The following WDPCP variants were observed in gnomAD, a reference collection of about 807,000 sequenced individuals.
WDPCP encodes the protein WD repeat-containing and planar cell polarity effector protein fritz homolog.
Under a neutral mutation model 93.1 loss-of-function variants are expected in WDPCP, and 71 were observed. The observed-to-expected ratio is 0.76, with a 90% confidence interval of 0.63 to 0.93. WDPCP has a LOEUF of 0.93. Ranked by LOEUF, WDPCP falls within the 40% of genes least tolerant of loss-of-function variation. The pLI, the probability that WDPCP is intolerant of heterozygous loss-of-function variation, is 0.00. For synonymous variants in WDPCP, 315 were observed against 315.0 expected (o/e 1.00, Z 0.00); for missense variants, 844 against 887.4 (o/e 0.95, Z 0.62).
intron 2 of WDPCP, among the ~76,000 whole-genome samples, chr2:63,803,534 C>T (rs1670723125): frequency 6.6e-6 from 1 of 152,142 alleles, no homozygotes. Flanking sequence ...CCAGCATTTA[C>T]CATCTGCTGT....
At position 63,712,026 on chromosome 2, in the gene WDPCP, G is replaced by C. The variant is rs547660297; in HGVS notation, n.309-61188C>G. On this transcript the variant is annotated intron_variant and non_coding_transcript_variant, in intron 2 of 4. Coordinates refer to the WDPCP transcript ENST00000467687. ...ATTCATTCTCCCTATATCAGAGAGA[G>C]GAATAGTTCTTGGGGCTTTCACAAG... is the stretch of plus-strand genomic sequence containing the variant. Among the ~76,000 whole-genome samples, 9 of 152,230 alleles carry C rather than the reference G, an allele frequency of 5.9e-5. No individual in the cohort carries two copies. In the South Asian group the frequency reaches 1.9e-3, roughly 32 times the overall value.
At chr2:63,723,583 A>T (rs1669456952) in intron 2 of WDPCP, among the ~76,000 whole-genome samples, 1 of 152,202 alleles carries the variant, frequency 6.6e-6, no homozygotes, top group African/African-American at 2.4e-5. Context: ...TTGGCATTCT[A>T]CAGATAGTTG....
chr2:63,364,950 G>A (rs1337622307), intron 12 of WDPCP, among the ~76,000 whole-genome samples: 1 of 152,186 alleles, frequency 6.6e-6, no homozygotes, highest in African/African-American at 2.4e-5. Flanking sequence ...TGCCATTATA[G>A]TATGAAAGCA....
the WDPCP span, among the ~76,000 whole-genome samples, chr2:63,835,990 GATTACAGGC>G: frequency 1.8e-4 from 28 of 152,266 alleles, no homozygotes; most frequent in South Asian, 5.6e-3. Context: ...AAGTAGCTAG[GATTACAGGC>G]GCCTGCCACC....
chr2:63,173,359 G>C (rs1434352612), intron 15 of WDPCP, among the ~76,000 whole-genome samples: 1 of 151,932 alleles, frequency 6.6e-6, no homozygotes, highest in Admixed American at 6.6e-5. Flanking sequence ...TGAATTTTTG[G>C]CTAGTTTGCC....
intron 17 of WDPCP, among the ~76,000 whole-genome samples, chr2:63,126,734 C>G (rs573835504): frequency 2.5e-4 from 36 of 144,286 alleles, no homozygotes; most frequent in African/African-American, 8.2e-4. Flanking sequence ...AACAGTGGCA[C>G]AATTATAGCT....
intron 1 of WDPCP, among the ~76,000 whole-genome samples, chr2:63,546,681 A>C (rs760087121): frequency 3.2e-4 from 48 of 152,342 alleles, no homozygotes; most frequent in Admixed American, 1.1e-3. Flanking sequence ...TCCTCTTGGA[A>C]GAATAATTAC....
At chr2:63,561,669 A>T (rs1027897039) in intron 1 of WDPCP, among the ~76,000 whole-genome samples, 1 of 152,214 alleles carries the variant, frequency 6.6e-6, no homozygotes. Flanking sequence ...AAGGAACATA[A>T]ATTTACAAGA....
chr2:63,818,587 G>A (rs1337883559), intron 1 of WDPCP, among the ~76,000 whole-genome samples: 4 of 152,162 alleles, frequency 2.6e-5, no homozygotes, highest in Admixed American at 2.6e-4. Flanking sequence ...AAATGTTTAT[G>A]ACCCACTGAA....
At chr2:63,440,513 T>C (rs1021211707) in intron 6 of WDPCP, 2 of 152,238 alleles carry the variant, frequency 1.3e-5, no homozygotes, top group African/African-American at 4.8e-5. Context: ...CCAGGCTTTA[T>C]CAATGTCAGT....
chr2:63,586,768 C>T (rs770051037), intron 1 of WDPCP, among the ~76,000 whole-genome samples: 1 of 152,160 alleles, frequency 6.6e-6, no homozygotes, highest in Non-Finnish European at 1.5e-5. Context: ...ATGTTTGTGG[C>T]CTTCTTGGAG....
At chr2:63,462,512 A>T (rs1413192976) in intron 6 of WDPCP, among the ~76,000 whole-genome samples, 1 of 152,108 alleles carries the variant, frequency 6.6e-6, no homozygotes, top group East Asian at 1.9e-4. Context: ...AAAATAAATA[A>T]ATAATTAATT....
chr2:63,701,992 G>A (rs779940889), intron 2 of WDPCP, among the ~76,000 whole-genome samples: 8 of 152,098 alleles, frequency 5.3e-5, no homozygotes, highest in East Asian at 1.9e-4. Flanking sequence ...ATAATTAGAC[G>A]AGAATAATTC....
intron 1 of WDPCP, among the ~76,000 whole-genome samples, chr2:63,515,585 C>T (rs1338786245): frequency 1.3e-5 from 2 of 152,164 alleles, no homozygotes; most frequent in African/African-American, 4.8e-5. Context: ...TTATTTGTTT[C>T]TAAATCTTGG....
chr2:63,159,989 T>C (rs1672535477), intron 15 of WDPCP, among the ~76,000 whole-genome samples: 1 of 152,188 alleles, frequency 6.6e-6, no homozygotes, highest in South Asian at 2.1e-4. Flanking sequence ...TGTACCTCCA[T>C]GGTTGCACTT....
intron 2 of WDPCP, among the ~76,000 whole-genome samples, chr2:63,658,113 T>C (rs1710188471): frequency 6.6e-6 from 1 of 152,224 alleles, no homozygotes; most frequent in African/African-American, 2.4e-5. Context: ...TTGTTCTCTA[T>C]GGGTCTGAGT....
chr2:63,126,467 T>G (rs1302836414), intron 17 of WDPCP, among the ~76,000 whole-genome samples: 2 of 152,090 alleles, frequency 1.3e-5, no homozygotes, highest in African/African-American at 4.8e-5. Context: ...TGTGTAGCAG[T>G]GAGGAGGTAG....
chr2:63,235,074 T>C (rs1679267669), intron 14 of WDPCP, among the ~76,000 whole-genome samples: 1 of 152,056 alleles, frequency 6.6e-6, no homozygotes. Flanking sequence ...TTTGAAAGGC[T>C]AAGCAGGATT....
intron 1 of WDPCP, among the ~76,000 whole-genome samples, chr2:63,561,706 C>T (rs1312225138): frequency 1.3e-5 from 2 of 152,160 alleles, no homozygotes; most frequent in Non-Finnish European, 2.9e-5. Flanking sequence ...AAGAAGTGGA[C>T]AAAGGACATG....
Sources: allele counts gnomAD v4.1 joint callset (sites outside exome capture counted in the v4.1 genomes callset), GRCh38; gene constraint gnomAD v4.1.1; transcripts MANE v1.5; gene names NCBI Gene and HGNC (gene_info 2026-07-23, HGNC 2026-07-21).